The following KCND2 variants were observed in gnomAD, a reference collection of about 807,000 sequenced individuals.
KCND2 encodes potassium voltage-gated channel subfamily D member 2.
Under a neutral mutation model 54.4 loss-of-function variants are expected in KCND2, and 16 were observed. That is an observed-to-expected ratio of 0.29 (90% CI 0.20 to 0.45). The LOEUF (loss-of-function observed/expected upper bound fraction) is 0.45. Among genes scored for constraint, KCND2 ranks in the 20% least tolerant of loss-of-function variants. The pLI is 1.00. For missense variants in KCND2, 486 were observed against 824.2 expected (o/e 0.59, Z 5.02); for synonymous variants, 317 against 310.7 (o/e 1.02, Z -0.21).
chr7:120,729,097 T>C (rs1792773382), intron 1 of KCND2, among the ~76,000 whole-genome samples: 1 of 152,176 alleles, frequency 6.6e-6, no homozygotes, highest in Non-Finnish European at 1.5e-5. Context: ...TTGCTGTGAG[T>C]TTGAATACTA....
intron 1 of KCND2, among the ~76,000 whole-genome samples, chr7:120,445,208 G>A (rs1427611757): frequency 2.0e-5 from 3 of 152,012 alleles, no homozygotes; most frequent in Non-Finnish European, 4.4e-5. Context: ...ATAGAAATGT[G>A]AAATTTTAAA....
intron 1 of KCND2, among the ~76,000 whole-genome samples, chr7:120,285,955 T>A (rs1412485875): frequency 6.6e-6 from 1 of 151,854 alleles, no homozygotes; most frequent in Non-Finnish European, 1.5e-5. Context: ...AACTTTATTA[T>A]TTTTATGGAA....
intron 1 of KCND2, among the ~76,000 whole-genome samples, chr7:120,290,059 C>T (rs1214474606): frequency 6.6e-6 from 1 of 152,076 alleles, no homozygotes; most frequent in African/African-American, 2.4e-5. Flanking sequence ...AATATGCGTG[C>T]TGACAAAGTT....
At chr7:120,535,736 C>A (rs1345091079) in intron 1 of KCND2, among the ~76,000 whole-genome samples, 1 of 152,066 alleles carries the variant, frequency 6.6e-6, no homozygotes, top group African/African-American at 2.4e-5. Flanking sequence ...ACAAAAGGGG[C>A]AACCGTTCTA....
intron 1 of KCND2, among the ~76,000 whole-genome samples, chr7:120,639,092 G>A (rs905596377): frequency 6.6e-6 from 1 of 152,076 alleles, no homozygotes; most frequent in Non-Finnish European, 1.5e-5. Context: ...AAATGCTAGT[G>A]TGCACACATA....
chr7:120,641,597 G>A (rs1793376439), intron 1 of KCND2, among the ~76,000 whole-genome samples: 1 of 152,054 alleles, frequency 6.6e-6, no homozygotes, highest in African/African-American at 2.4e-5. Context: ...TGGGCTGAAG[G>A]ATAAAACTTC....
At chr7:120,734,929 A>C (rs1792852634) in intron 2 of KCND2, among the ~76,000 whole-genome samples, 1 of 152,068 alleles carries the variant, frequency 6.6e-6, no homozygotes, top group Non-Finnish European at 1.5e-5. Flanking sequence ...AGTAAAGTAT[A>C]CAATCTCATA....
At position 120,443,342 on chromosome 7, in the gene KCND2, T is replaced by G. The variant is rs574773274; in HGVS notation, c.1115+167595T>G. Among the ~76,000 whole-genome samples the G allele has an allele frequency of 1.5e-4, 21 of 138,526 alleles. No individual in the cohort carries two copies. The South Asian group carries it at 4.6e-3, about 30-fold the overall frequency. 90.9% of individuals were successfully genotyped at this position (138,526 alleles called of 152,430 possible). ...TCACTGGATAACAATCTCCAAGAAA[T>G]AACAATAATAAATAATAATAATAAT... On this transcript the variant is annotated intron_variant, in intron 1 of 5. Coordinates refer to ENST00000331113, the MANE Select transcript of KCND2 (RefSeq NM_012281.3).
intron 1 of KCND2, among the ~76,000 whole-genome samples, chr7:120,666,200 G>T (rs2116566556): frequency 6.6e-6 from 1 of 152,048 alleles, no homozygotes. Flanking sequence ...TTCTAAGTAT[G>T]CCCTTTTGGG....
At chr7:120,366,773 G>A (rs1800690080) in intron 1 of KCND2, among the ~76,000 whole-genome samples, 1 of 151,916 alleles carries the variant, frequency 6.6e-6, no homozygotes, top group South Asian at 2.1e-4. Context: ...TTTGTTAAAA[G>A]AACAGATTGG....
intron 1 of KCND2, among the ~76,000 whole-genome samples, chr7:120,371,959 C>T (rs948304657): frequency 4.0e-5 from 6 of 151,850 alleles, no homozygotes; most frequent in Non-Finnish European, 1.5e-5. Flanking sequence ...CCGTGTATAC[C>T]ACCTTTTCTT....
intron 1 of KCND2, among the ~76,000 whole-genome samples, chr7:120,490,065 A>G (rs1156665031): frequency 1.3e-5 from 2 of 152,156 alleles, no homozygotes; most frequent in African/African-American, 4.8e-5. Context: ...TGGAAGTCTG[A>G]TCCCTGGAAG....
At chr7:120,436,868 C>T (rs1041467799) in intron 1 of KCND2, among the ~76,000 whole-genome samples, 1 of 152,150 alleles carries the variant, frequency 6.6e-6, no homozygotes, top group Admixed American at 6.5e-5. Context: ...GCCCACATGC[C>T]CAGTCAAACT....
chr7:120,424,890 A>G (rs1801678887), intron 1 of KCND2, among the ~76,000 whole-genome samples: 2 of 152,318 alleles, frequency 1.3e-5, no homozygotes, highest in Admixed American at 6.5e-5. Flanking sequence ...ACATTGAGCT[A>G]TGTTTGTGCT....
intron 1 of KCND2, among the ~76,000 whole-genome samples, chr7:120,493,545 A>G (rs1802812282): frequency 6.6e-6 from 1 of 152,166 alleles, no homozygotes; most frequent in South Asian, 2.1e-4. Context: ...AACCAAATAG[A>G]AAATTGACAA....
chr7:120,297,175 CA>C (rs1799524298), intron 1 of KCND2, among the ~76,000 whole-genome samples: 1 of 152,154 alleles, frequency 6.6e-6, no homozygotes, highest in East Asian at 1.9e-4. Flanking sequence ...ACTTCCCCCC[CA>C]GCTCTTCCAA....
intron 1 of KCND2, among the ~76,000 whole-genome samples, chr7:120,644,421 A>C (rs1793413372): frequency 6.6e-6 from 1 of 152,220 alleles, no homozygotes; most frequent in African/African-American, 2.4e-5. Context: ...TTTACCAAGG[A>C]AACTGTGGGA....
At chr7:120,634,550 C>T (rs144665576) in intron 1 of KCND2, among the ~76,000 whole-genome samples, 1 of 152,250 alleles carries the variant, frequency 6.6e-6, no homozygotes, top group African/African-American at 2.4e-5. Context: ...TTGCCGTGCC[C>T]TGTTCACCCC....
intron 1 of KCND2, among the ~76,000 whole-genome samples, chr7:120,557,628 G>C (rs1417920554): frequency 6.6e-6 from 1 of 152,000 alleles, no homozygotes; most frequent in African/African-American, 2.4e-5. Context: ...TTTTATGACT[G>C]ATAACATACC....
Sources: allele counts gnomAD v4.1 joint callset (sites outside exome capture counted in the v4.1 genomes callset), GRCh38; gene constraint gnomAD v4.1.1; transcripts MANE v1.5; gene names NCBI Gene and HGNC (gene_info 2026-07-23, HGNC 2026-07-21).